ELOVL4: variants seen among roughly 807,000 people sequenced by gnomAD.
ELOVL4 encodes the protein very long chain fatty acid elongase 4.
In ELOVL4, 18 loss-of-function variants were observed where a neutral mutation model predicts 42.1. The observed-to-expected ratio is 0.43, with a 90% CI of 0.30 to 0.63. The LOEUF is 0.63. Ranked by LOEUF, ELOVL4 falls within the 30% of genes least tolerant of loss-of-function variation. The pLI is 0.15. For synonymous variants in ELOVL4, 117 were observed against 127.0 expected (o/e 0.92, Z 0.53); for missense variants, 299 against 376.2 (o/e 0.79, Z 1.70).
intron 1 of ELOVL4, among the ~76,000 whole-genome samples, chr6:79,933,997 A>G (rs981460990): frequency 2.6e-5 from 4 of 152,236 alleles, no homozygotes; most frequent in Non-Finnish European, 5.9e-5. Context: ...GATCCATAAC[A>G]GAGTAAAGGA....
At chr6:79,919,938 G>C (rs1774224126) in intron 4 of ELOVL4, among the ~76,000 whole-genome samples, 2 of 151,898 alleles carry the variant, frequency 1.3e-5, no homozygotes, top group African/African-American at 2.4e-5. Context: ...TTATTTCTTA[G>C]GTTTCTAAAT....
At chr6:79,923,491 C>T (rs1255192670) in intron 3 of ELOVL4, among the ~76,000 whole-genome samples, 2 of 152,328 alleles carry the variant, frequency 1.3e-5, no homozygotes, top group East Asian at 3.9e-4. Context: ...CAGTCAAACA[C>T]TTATCCCTGT....
At chr6:79,931,203 CAT>C (rs755920185) in intron 1 of ELOVL4, among the ~76,000 whole-genome samples, 68 of 152,192 alleles carry the variant, frequency 4.5e-4, no homozygotes, top group Admixed American at 1.0e-3. Context: ...TGCTTATTAA[CAT>C]GTTTGTACCT....
rs1774770964 is a variant in ELOVL4 at position 79,947,421 on chromosome 6, T to C, written c.-142A>G. On this transcript the variant is annotated 5_prime_UTR_variant, in exon 1 of 6. Transcript: ENST00000369816. Reference sequence around the variant, plus strand: ...GCGGCCCGGCTGCGTCTTCTCCTGCTCCTCAAGGCGCCGCGGCGGCGGGGA... The same window carrying C: ...GCGGCCCGGCTGCGTCTTCTCCTGCCCCTCAAGGCGCCGCGGCGGCGGGGA... 2 of 680,960 alleles carry C rather than the reference T, an allele frequency of 2.9e-6. No homozygotes were observed. Among genetic ancestry groups the C allele is most frequent in the Non-Finnish European group, 5.2e-6 (2 of 385,524 alleles). 42.2% of individuals were successfully genotyped at this position (680,960 alleles called of 1,614,324 possible).
At chr6:79,935,050 TTA>T (rs1186389416) in intron 1 of ELOVL4, among the ~76,000 whole-genome samples, 1 of 152,158 alleles carries the variant, frequency 6.6e-6, no homozygotes, top group Non-Finnish European at 1.5e-5. Flanking sequence ...TTAAAATTAT[TTA>T]GAGAGGCTAT....
In ELOVL4 at chr6:79,926,190, A is replaced by G; in HGVS notation, c.288+4T>C. On this transcript the variant is annotated splice_donor_region_variant and intron_variant, in intron 2 of 5. Coordinates refer to ENST00000369816, the MANE Select transcript of ELOVL4 (RefSeq NM_022726.4). ...AAATTATTAAAGTGATCTTAAAAAC[A>G]TACCTCTCTGAAGATAAAGAGGTTA... is the stretch of plus-strand genomic sequence containing the variant. 6.2e-7 allele frequency: 1 copy of G among 1,606,000 alleles called. No homozygotes were observed. Among genetic ancestry groups the G allele is most frequent in the Non-Finnish European group, 8.5e-7 (1 of 1,172,896 alleles).
chr6:79,921,994 C>A (rs896429438), intron 3 of ELOVL4, among the ~76,000 whole-genome samples, 198 bp from the exon 4 acceptor site: 1 of 152,170 alleles, frequency 6.6e-6, no homozygotes, highest in Non-Finnish European at 1.5e-5. Context: ...GTCCAAAGCT[C>A]TATCTATACA....
At chr6:79,926,837 G>T (rs13207287) in intron 1 of ELOVL4, among the ~76,000 whole-genome samples, 111 of 152,160 alleles carry the variant, frequency 7.3e-4, no homozygotes, top group African/African-American at 2.6e-3. Flanking sequence ...AGGTACGTAC[G>T]GGGCGATGGT....
intron 1 of ELOVL4, among the ~76,000 whole-genome samples, chr6:79,945,011 A>T (rs978286748): frequency 5.1e-5 from 7 of 137,382 alleles, no homozygotes; most frequent in Non-Finnish European, 9.6e-5. Flanking sequence ...AAAAAAAAAA[A>T]GGAACACGAG....
intron 1 of ELOVL4, 143 bp downstream of exon 1, chr6:79,947,037 C>G (rs1016517878): frequency 1.4e-4 from 97 of 697,498 alleles, no homozygotes; most frequent in Non-Finnish European, 2.2e-4. Context: ...CCGCAGTGCC[C>G]GCGCCGGCCC....
At chr6:79,929,851 T>C (rs937350265) in intron 1 of ELOVL4, among the ~76,000 whole-genome samples, 5 of 152,112 alleles carry the variant, frequency 3.3e-5, no homozygotes, top group Admixed American at 2.0e-4. Flanking sequence ...TAAACTGTTT[T>C]CTCCCTGAAA....
At chr6:79,924,092 C>T (rs1458744558) in intron 3 of ELOVL4, among the ~76,000 whole-genome samples, 1 of 152,074 alleles carries the variant, frequency 6.6e-6, no homozygotes, top group Non-Finnish European at 1.5e-5. Context: ...ATAAGGTAAT[C>T]TGTTGTTTCT....
intron 3 of ELOVL4, 101 bp downstream of exon 3, chr6:79,924,851 A>C (rs1774317575): frequency 1.3e-6 from 1 of 777,684 alleles, no homozygotes; most frequent in Non-Finnish European, 2.3e-6. Context: ...AATGTTAAAG[A>C]AACTGTCTCT....
At chr6:79,928,727 GTTTTTT>G (rs34673896) in intron 1 of ELOVL4, among the ~76,000 whole-genome samples, 7 of 75,582 alleles carry the variant, frequency 9.3e-5, no homozygotes, top group African/African-American at 1.9e-4. Context: ...TGGTGACTGG[GTTTTTT>G]TTTTTTTTTT....
chr6:79,947,139 C>G (rs775193124), intron 1 of ELOVL4, 41 bp downstream of exon 1: 2 of 1,545,150 alleles, frequency 1.3e-6, no homozygotes, highest in South Asian at 2.3e-5. Flanking sequence ...GGTGACCCCC[C>G]GCGGGGGACC....
chr6:79,932,414 G>C (rs1430919307), intron 1 of ELOVL4, among the ~76,000 whole-genome samples: 2 of 151,790 alleles, frequency 1.3e-5, no homozygotes, highest in African/African-American at 4.8e-5. Context: ...GCGTGGTGGT[G>C]TGCGCCTGTA....
chr6:79,940,933 G>T (rs1282028317), intron 1 of ELOVL4, among the ~76,000 whole-genome samples: 1 of 152,206 alleles, frequency 6.6e-6, no homozygotes, highest in East Asian at 1.9e-4. Flanking sequence ...CAAAACAGAC[G>T]CTTAAATATC....
chr6:79,947,359 A>ACCGCCTC lies in ELOVL4; in HGVS notation c.-81_-80insGAGGCGG. ...CTGACCCCGGAGGCGGTGGCGGCCG[A>ACCGCCTC]CGGGGCGAGCGGCGGCCGGGAACCC... On this transcript the variant is annotated 5_prime_UTR_variant, in exon 1 of 6. Transcript: ENST00000369816. The ACCGCCTC allele has an allele frequency of 8.7e-7, 1 of 1,151,964 alleles. No homozygotes were observed. Among genetic ancestry groups the ACCGCCTC allele is most frequent in the Non-Finnish European group, 1.3e-6 (1 of 789,592 alleles). The allele number at this position is 1,151,964 out of a possible 1,614,324, so 71.4% of individuals were successfully genotyped here.
intron 1 of ELOVL4, among the ~76,000 whole-genome samples, chr6:79,938,857 T>C (rs1255235806): frequency 1.3e-5 from 2 of 152,206 alleles, no homozygotes; most frequent in Admixed American, 1.3e-4. Context: ...ATTACAGGCC[T>C]GATTATTTCT....
Sources: allele counts gnomAD v4.1 joint callset (sites outside exome capture counted in the v4.1 genomes callset), GRCh38; gene constraint gnomAD v4.1.1; transcripts MANE v1.5; gene names NCBI Gene and HGNC (gene_info 2026-07-23, HGNC 2026-07-21).